The following LEMD1 variants were observed in gnomAD, a reference collection of about 807,000 sequenced individuals.
LEMD1 encodes the protein LEM domain containing 1.
In LEMD1, 18 loss-of-function variants were observed where a neutral mutation model predicts 17.4. The observed-to-expected ratio is 1.04, with a 90% CI of 0.72 to 1.54. LEMD1 has a LOEUF of 1.54. Ranked by LOEUF, LEMD1 falls within the 40% of genes most tolerant of loss-of-function variation. LEMD1 has a pLI of 0.00. For synonymous variants in LEMD1, 88 were observed against 77.8 expected (o/e 1.13, Z -0.69); for missense variants, 195 against 210.4 (o/e 0.93, Z 0.45).
In LEMD1 at chr1:205,401,266, C is replaced by A. The variant is rs561470614; in HGVS notation, c.270+14966G>T. Among the ~76,000 whole-genome samples, 27 of 152,268 alleles carry A rather than the reference C, an allele frequency of 1.8e-4. No individual in the cohort carries two copies. In the East Asian group the frequency reaches 5.2e-3, roughly 29 times the overall value. The stretch of plus-strand genomic sequence containing the variant: ...TTCTAGTCCTAGATCCCCGAGGAAT[C>A]GCCACACTGACTTCCACAATGGTTG... On this transcript the variant is annotated intron_variant, in intron 4 of 5. Transcript: ENST00000367153.
At chr1:205,385,623 T>G (rs1663965823) in intron 4 of LEMD1, 1 of 152,284 alleles carries the variant, frequency 6.6e-6, no homozygotes, top group Admixed American at 6.5e-5. Flanking sequence ...AACAGCTCAC[T>G]ATCAAGCATG....
At chr1:205,411,854 T>A (rs994069590) in intron 4 of LEMD1, among the ~76,000 whole-genome samples, 1 of 151,998 alleles carries the variant, frequency 6.6e-6, no homozygotes, top group Non-Finnish European at 1.5e-5. Flanking sequence ...GACGAGCATG[T>A]TGTGCTTGGG....
At chr1:205,410,056 G>GTGA (rs1665315403) in intron 4 of LEMD1, among the ~76,000 whole-genome samples, 2 of 152,012 alleles carry the variant, frequency 1.3e-5, no homozygotes, top group Non-Finnish European at 2.9e-5. Flanking sequence ...GATTACAGGC[G>GTGA]TGAGCCACCG....
intron 4 of LEMD1, among the ~76,000 whole-genome samples, chr1:205,398,570 G>A (rs554216150): frequency 1.1e-4 from 16 of 152,146 alleles, no homozygotes; most frequent in South Asian, 8.3e-4. Flanking sequence ...CTTCCTTATC[G>A]TCCCCTGGGG....
chr1:205,397,099 T>A (rs1409336327), intron 4 of LEMD1, among the ~76,000 whole-genome samples: 1 of 152,104 alleles, frequency 6.6e-6, no homozygotes, highest in Non-Finnish European at 1.5e-5. Context: ...AAGAAGTGCC[T>A]CCCATGGACT....
chr1:205,409,023 G>C (rs1665262162), intron 4 of LEMD1, among the ~76,000 whole-genome samples: 1 of 152,108 alleles, frequency 6.6e-6, no homozygotes, highest in East Asian at 1.9e-4. Context: ...GTTTTTAGTA[G>C]AGACAGGGTT....
At chr1:205,404,219 T>C (rs1028959295) in intron 4 of LEMD1, among the ~76,000 whole-genome samples, 34 of 152,150 alleles carry the variant, frequency 2.2e-4, no homozygotes, top group African/African-American at 7.7e-4. Flanking sequence ...CTATTAGGTC[T>C]GCTTGGTGCA....
intron 2 of LEMD1, 103 bp downstream of exon 2, chr1:205,420,352 C>T (rs1665903607): frequency 2.3e-6 from 2 of 856,008 alleles, no homozygotes; most frequent in Non-Finnish European, 3.8e-6. Context: ...CTCTATGTTC[C>T]TATTTCTATT....
chr1:205,418,961 C>T lies in LEMD1; in HGVS notation c.205+269G>A, dbSNP rs1225385274. Among the ~76,000 whole-genome samples the T allele has an allele frequency of 2.6e-5, 4 of 152,250 alleles. No homozygotes were observed. The East Asian group carries it at 7.7e-4, about 29-fold the overall frequency. On this transcript the variant is annotated intron_variant, in intron 3 of 5. Transcript: ENST00000367153. ...TTTCTGATTGTAAGGCATCACCACACATTTGGCTCTAGTTAGTAAAAGGAC... is the reference window on the plus strand; with the variant it reads ...TTTCTGATTGTAAGGCATCACCACATATTTGGCTCTAGTTAGTAAAAGGAC...
chr1:205,383,800 A>G (rs1283482683), intron 5 of LEMD1, among the ~76,000 whole-genome samples: 1 of 150,618 alleles, frequency 6.6e-6, no homozygotes, highest in Admixed American at 6.6e-5. Context: ...CGTCTGGCTA[A>G]TTTTTTTGTG....
chr1:205,407,550 A>G (rs1030762090), intron 4 of LEMD1, among the ~76,000 whole-genome samples: 2 of 152,102 alleles, frequency 1.3e-5, no homozygotes, highest in Admixed American at 6.5e-5. Context: ...GCCCAGAGAA[A>G]GCATGGAAAC....
chr1:205,447,472 G>T (rs568098526), intron 1 of LEMD1, among the ~76,000 whole-genome samples: 1 of 152,062 alleles, frequency 6.6e-6, no homozygotes, highest in Admixed American at 6.5e-5. Context: ...CTGGGGACTG[G>T]AACAGGGAGT....
chr1:205,400,091 AG>A (rs533715341), intron 4 of LEMD1, among the ~76,000 whole-genome samples: 2 of 152,230 alleles, frequency 1.3e-5, no homozygotes, highest in South Asian at 4.1e-4. Flanking sequence ...GTTTTGACAC[AG>A]GGTCGCTTTG....
chr1:205,414,191 A>G (rs1665585260), intron 4 of LEMD1, among the ~76,000 whole-genome samples: 1 of 152,162 alleles, frequency 6.6e-6, no homozygotes, highest in Non-Finnish European at 1.5e-5. Flanking sequence ...TCTCTGGACA[A>G]GTCAGTAACA....
At chr1:205,419,774 G>A (rs1273300005) in intron 2 of LEMD1, among the ~76,000 whole-genome samples, 3 of 152,096 alleles carry the variant, frequency 2.0e-5, no homozygotes, top group Non-Finnish European at 4.4e-5. Flanking sequence ...CCCAATTACG[G>A]CTTTTTAAAT....
Position 205,391,000 on chromosome 1 carries a change from C to T in LEMD1, c.271-6636G>A, listed in dbSNP as rs142626468. ...ATGCGATCATTAGAAGCCCAATTCT[C>T]AGCACCGCACAATATACCTGTGTAA... On this transcript the variant is annotated intron_variant, in intron 4 of 5. Coordinates refer to ENST00000367153, the MANE Select transcript of LEMD1 (RefSeq NM_001199050.2). 2.0e-3 allele frequency among the ~76,000 whole-genome samples: 283 copies of T among 144,358 alleles called. 1 individual carries two copies. Among genetic ancestry groups the T allele is most frequent in the African/African-American group, 6.9e-3 (265 of 38,628 alleles). 94.7% of individuals were successfully genotyped at this position (144,358 alleles called of 152,430 possible).
chr1:205,398,152 G>A (rs1451942576), intron 4 of LEMD1, among the ~76,000 whole-genome samples: 4 of 152,138 alleles, frequency 2.6e-5, no homozygotes, highest in African/African-American at 9.7e-5. Context: ...ACACGTCAAA[G>A]GTAAGAAGAA....
chr1:205,440,930 C>A (rs1210624694), intron 1 of LEMD1: 2 of 152,376 alleles, frequency 1.3e-5, no homozygotes, highest in African/African-American at 4.8e-5. Flanking sequence ...TCTGATCACA[C>A]CGCCGTCTCC....
chr1:205,405,882 G>C (rs1665071414), intron 4 of LEMD1, among the ~76,000 whole-genome samples: 1 of 151,694 alleles, frequency 6.6e-6, no homozygotes, highest in Non-Finnish European at 1.5e-5. Flanking sequence ...TGGGTTTTTG[G>C]TGTGGATGTC....
Sources: gnomAD v4.1 joint callset for allele counts (sites outside exome capture counted in the v4.1 genomes callset) on GRCh38, gnomAD v4.1.1 for gene constraint, MANE v1.5 for transcripts, NCBI Gene and HGNC (gene_info 2026-07-23, HGNC 2026-07-21) for gene names.